Variants in CCNY observed in about 807,000 individuals in gnomAD.
CCNY encodes cyclin Y, also known as cyclin-Y.
CCNY carries 19 observed loss-of-function variants against 42.8 expected under a neutral mutation model. The ratio of observed to expected loss-of-function variants is 0.44; its 90% CI spans 0.31 to 0.65. The LOEUF (loss-of-function observed/expected upper bound fraction) is 0.65, where lower values mean the gene tolerates loss of function less well. Among genes scored for constraint, CCNY ranks in the 30% least tolerant of loss-of-function variants. The probability of loss-of-function intolerance (pLI) is 0.07; values close to 1 mark genes in which losing one functional copy is unlikely to be tolerated. For missense variants in CCNY, 370 were observed against 437.3 expected (o/e 0.85, Z 1.37); for synonymous variants, 165 against 162.7 (o/e 1.01, Z -0.11).
At chr10:35,303,311 G>T (rs191694006) in intron 3 of CCNY, among the ~76,000 whole-genome samples, 257 of 151,990 alleles carry the variant, frequency 1.7e-3, no homozygotes, top group Admixed American at 3.5e-3. Flanking sequence ...CTCCCGAGTA[G>T]CTGGGATTAC....
intron 4 of CCNY, among the ~76,000 whole-genome samples, chr10:35,518,851 A>G (rs1840484291): frequency 9.2e-6 from 1 of 108,146 alleles, no homozygotes. Context: ...GTATGCTGTG[A>G]GTATCTGGAT....
At chr10:35,253,697 A>G (rs2095713540) in intron 3 of CCNY, among the ~76,000 whole-genome samples, 1 of 151,974 alleles carries the variant, frequency 6.6e-6, no homozygotes, top group Non-Finnish European at 1.5e-5. Context: ...CCATTCATAG[A>G]GGCTAACATT....
chr10:35,378,773 C>G (rs1436572736), intron 1 of CCNY, among the ~76,000 whole-genome samples: 1 of 152,086 alleles, frequency 6.6e-6, no homozygotes, highest in Non-Finnish European at 1.5e-5. Context: ...TACTGTTACA[C>G]TTCTTTAGTA....
intron 1 of CCNY, among the ~76,000 whole-genome samples, chr10:35,412,929 G>T (rs1450184410): frequency 1.3e-5 from 2 of 151,236 alleles, no homozygotes; most frequent in East Asian, 3.9e-4. Flanking sequence ...TCACGCTTTG[G>T]GTTGGGGATG....
rs573735868 is a variant in CCNY at position 35,559,034 on chromosome 10, G to A, written c.746+5849G>A. Among the ~76,000 whole-genome samples the A allele has an allele frequency of 3.9e-5, 6 of 152,308 alleles. No homozygotes were observed. The East Asian group carries it at 1.2e-3, about 29-fold the overall frequency. ...GAAAAACCCAAGACTGCCTTGAAGG[G>A]ATTGTTGGTAGAAATGTGGGCATTA... On this transcript the variant is annotated intron_variant, in intron 8 of 9. Coordinates refer to ENST00000374704, the MANE Select transcript of CCNY (RefSeq NM_145012.6).
In CCNY at chr10:35,360,288, CTT is replaced by C. The variant is rs5784449; in HGVS notation, c.154+23096_154+23097del. Among the ~76,000 whole-genome samples, 356 of 99,844 alleles carry C rather than the reference CTT, an allele frequency of 3.6e-3. 1 individual carries two copies. The highest frequency in any genetic ancestry group is 5.6e-3 in the African/African-American group (147 of 26,150). The allele number at this position is 99,844 out of a possible 152,430, so 65.5% of individuals were successfully genotyped here. A position where few individuals can be genotyped will look rare whatever the true frequency, so the allele number is the denominator to read the frequency against. On this transcript the variant is annotated intron_variant, in intron 1 of 9. Coordinates refer to ENST00000374704, the MANE Select transcript of CCNY (RefSeq NM_145012.6). ...TCTTTTTTTTCCTTTCTTTTCTTTTCTTTTTTTTTTTTTTTTGAGATAGAGTC... is the reference window on the plus strand; with the variant it reads ...TCTTTTTTTTCCTTTCTTTTCTTTTCTTTTTTTTTTTTTTGAGATAGAGTC...
chr10:35,433,182 CA>C (rs1234492949), intron 1 of CCNY, among the ~76,000 whole-genome samples: 1 of 152,066 alleles, frequency 6.6e-6, no homozygotes, highest in African/African-American at 2.4e-5. Context: ...CCTGTCTCTA[CA>C]AAAAATAATA....
At chr10:35,316,472 T>C (rs556227671) in intron 3 of CCNY, 32 of 152,310 alleles carry the variant, frequency 2.1e-4, no homozygotes, top group African/African-American at 7.5e-4. Flanking sequence ...TTCTAAAGTT[T>C]TTCACAACAA....
At chr10:35,256,530 A>G (rs569613739) in intron 3 of CCNY, among the ~76,000 whole-genome samples, 24 of 152,082 alleles carry the variant, frequency 1.6e-4, no homozygotes, top group South Asian at 8.3e-4. Context: ...TCAGGAGTTC[A>G]AGACCAGCCT....
At chr10:35,490,006 G>T (rs142759736) in intron 2 of CCNY, among the ~76,000 whole-genome samples, 1 of 152,086 alleles carries the variant, frequency 6.6e-6, no homozygotes. Context: ...CTGCCCCACC[G>T]CATTCTGCAT....
intron 3 of CCNY, among the ~76,000 whole-genome samples, chr10:35,277,680 C>A (rs1835254394): frequency 6.6e-6 from 1 of 152,066 alleles, no homozygotes; most frequent in South Asian, 2.1e-4. Context: ...TCTCTAGCAC[C>A]AGAGATACTG....
At chr10:35,276,365 A>G (rs1220367462) in intron 3 of CCNY, among the ~76,000 whole-genome samples, 59 of 152,094 alleles carry the variant, frequency 3.9e-4, no homozygotes, top group Non-Finnish European at 2.9e-5. Context: ...ATGTCAGAGA[A>G]CCCAGTTCTT....
chr10:35,348,496 C>T (rs1836355993), intron 1 of CCNY, among the ~76,000 whole-genome samples: 2 of 152,244 alleles, frequency 1.3e-5, no homozygotes, highest in African/African-American at 4.8e-5. Context: ...GTTGAGTTCT[C>T]TTCTGAAGCA....
intron 1 of CCNY, among the ~76,000 whole-genome samples, chr10:35,457,407 T>C (rs1251597460): frequency 6.6e-6 from 1 of 152,166 alleles, no homozygotes; most frequent in Non-Finnish European, 1.5e-5. Context: ...CGTCCTTTCT[T>C]GCTGGATGGG....
intron 2 of CCNY, among the ~76,000 whole-genome samples, chr10:35,489,622 G>T (rs971040906): frequency 8.6e-5 from 13 of 152,012 alleles, no homozygotes; most frequent in African/African-American, 3.1e-4. Context: ...GATGGAAATA[G>T]AAAGATTTTT....
intron 3 of CCNY, among the ~76,000 whole-genome samples, chr10:35,297,169 T>C (rs1835480490): frequency 1.4e-5 from 2 of 144,610 alleles, no homozygotes. Context: ...AAAGAAAAAA[T>C]ATATACAAAT....
intron 1 of CCNY, among the ~76,000 whole-genome samples, chr10:35,406,746 G>A (rs1004593083): frequency 5.3e-5 from 8 of 152,102 alleles, no homozygotes; most frequent in South Asian, 4.1e-4. Flanking sequence ...GCTGTTGGGC[G>A]CACCTCCCAG....
intron 4 of CCNY, among the ~76,000 whole-genome samples, chr10:35,519,959 G>A (rs373137666): frequency 3.3e-5 from 5 of 151,764 alleles, no homozygotes; most frequent in African/African-American, 9.7e-5. Flanking sequence ...TGCATTTTTT[G>A]TAGAGACATT....
chr10:35,411,250 C>T (rs997418332), intron 1 of CCNY, among the ~76,000 whole-genome samples: 1 of 151,836 alleles, frequency 6.6e-6, no homozygotes, highest in Non-Finnish European at 1.5e-5. Context: ...CGGTGGCTCA[C>T]GCATGTAATC....
Sources: gnomAD v4.1 joint callset for allele counts (sites outside exome capture counted in the v4.1 genomes callset) on GRCh38, gnomAD v4.1.1 for gene constraint, MANE v1.5 for transcripts, NCBI Gene and HGNC (gene_info 2026-07-23, HGNC 2026-07-21) for gene names.